The following LGSN variants were observed in gnomAD, a reference collection of about 807,000 sequenced individuals.
The protein encoded by LGSN is lengsin.
A neutral mutation model predicts 19.5 loss-of-function variants in LGSN; 21 were observed. The ratio of observed to expected loss-of-function variants is 1.07; its 90% CI spans 0.76 to 1.55. The LOEUF (loss-of-function observed/expected upper bound fraction) is 1.55, where lower values mean the gene tolerates loss of function less well. Ranked by LOEUF, LGSN falls within the 40% of genes most tolerant of loss-of-function variation. The pLI is 0.00. For missense variants in LGSN, 673 were observed against 608.5 expected, an observed-to-expected ratio of 1.11 and a Z score of -1.12; for synonymous variants, 257 against 215.6, an observed-to-expected ratio of 1.19 and a Z score of -1.68.
At chr6:63,420,474 C>A in the LGSN span, among the ~76,000 whole-genome samples, 2 of 152,200 alleles carry the variant, frequency 1.3e-5, no homozygotes, top group Admixed American at 6.5e-5. Flanking sequence ...TGGCTCCTGG[C>A]TTTAACTGGC....
chr6:63,424,508 GAC>G, the LGSN span, among the ~76,000 whole-genome samples: 69,079 of 146,442 alleles, frequency 0.47, 16,662 homozygotes, highest in Non-Finnish European at 0.54. Flanking sequence ...ACCAAAACCA[GAC>G]ACACACACAC....
At chr6:63,456,099 G>A in the LGSN span, among the ~76,000 whole-genome samples, 66 of 148,722 alleles carry the variant, frequency 4.4e-4, no homozygotes, top group African/African-American at 1.5e-3. Context: ...GTCTGATGGT[G>A]GGCACCTGTA....
At chr6:63,547,654 C>T in the LGSN span, among the ~76,000 whole-genome samples, 1 of 151,352 alleles carries the variant, frequency 6.6e-6, no homozygotes, top group African/African-American at 2.4e-5. Flanking sequence ...TACAGGTGCC[C>T]ACCACCACGC....
At chr6:63,388,998 A>G in the LGSN span, among the ~76,000 whole-genome samples, 1 of 152,226 alleles carries the variant, frequency 6.6e-6, no homozygotes, top group East Asian at 1.9e-4. Flanking sequence ...CCTAGTCTAC[A>G]AGGATGAAAT....
the LGSN span, among the ~76,000 whole-genome samples, chr6:63,536,735 C>T: frequency 6.6e-6 from 1 of 152,018 alleles, no homozygotes; most frequent in African/African-American, 2.4e-5. Flanking sequence ...AGTATCACTA[C>T]AAGAAAAAGC....
chr6:63,297,818 A>T (rs1768036158), intron 1 of LGSN, among the ~76,000 whole-genome samples: 1 of 152,158 alleles, frequency 6.6e-6, no homozygotes, highest in African/African-American at 2.4e-5. Context: ...TTTAAGTTTG[A>T]CTTAAAAATT....
rs1255773664 is a variant in LGSN, at chr6:63,295,056, T to C, written c.31-11A>G. The C allele has an allele frequency of 1.2e-6, 2 of 1,610,332 alleles. No homozygotes were observed. The highest frequency in any genetic ancestry group is 1.7e-6 in the Non-Finnish European group (2 of 1,177,390). ...ATCTCTTGTTGAGTCCTGTTGATAA[T>C]TAATAAACAAAAAGCCAAATAACAG... On this transcript the variant is annotated splice_polypyrimidine_tract_variant and intron_variant, in intron 1 of 3. Transcript: ENST00000370657.
the LGSN span, among the ~76,000 whole-genome samples, chr6:63,345,833 C>A: frequency 3.3e-5 from 5 of 152,256 alleles, no homozygotes; most frequent in South Asian, 6.2e-4. Context: ...ATGGGCCAAC[C>A]AACACTCTTT....
At chr6:63,540,408 G>C in the LGSN span, among the ~76,000 whole-genome samples, 1 of 152,036 alleles carries the variant, frequency 6.6e-6, no homozygotes, top group African/African-American at 2.4e-5. Flanking sequence ...ATTGCTTGAG[G>C]TCAGGAGTTT....
At chr6:63,572,439 G>A in the LGSN span, 5 of 372,896 alleles carry the variant, frequency 1.3e-5, no homozygotes, top group Non-Finnish European at 1.9e-5. Flanking sequence ...AGGGTTGCAC[G>A]TCGCGCCGGC....
chr6:63,325,658 C>G, the LGSN span, among the ~76,000 whole-genome samples: 1 of 152,166 alleles, frequency 6.6e-6, no homozygotes, highest in Admixed American at 6.5e-5. Context: ...CGCAGACCCT[C>G]ACGGTGAGTG....
chr6:63,558,790 A>G, the LGSN span, among the ~76,000 whole-genome samples: 1 of 152,206 alleles, frequency 6.6e-6, no homozygotes, highest in East Asian at 1.9e-4. Flanking sequence ...ACCAACACCT[A>G]TAGGGCAGGG....
chr6:63,347,149 A>G, the LGSN span, among the ~76,000 whole-genome samples: 35 of 152,300 alleles, frequency 2.3e-4, no homozygotes, highest in African/African-American at 7.7e-4. Flanking sequence ...GTGGGGAAAA[A>G]TAAATCCTAC....
chr6:63,317,708 T>TA (rs969423824), intron 1 of LGSN, among the ~76,000 whole-genome samples: 8 of 152,094 alleles, frequency 5.3e-5, no homozygotes, highest in African/African-American at 1.9e-4. Flanking sequence ...AGCAAGCCTC[T>TA]AGAAGGTCAG....
chr6:63,452,535 A>G, the LGSN span, among the ~76,000 whole-genome samples: 1 of 152,184 alleles, frequency 6.6e-6, no homozygotes, highest in Admixed American at 6.6e-5. Flanking sequence ...AGGAATTTGC[A>G]AAGCTCATCT....
chr6:63,332,151 T>G, the LGSN span, among the ~76,000 whole-genome samples: 1 of 152,182 alleles, frequency 6.6e-6, no homozygotes. Context: ...TAGTGCCCAC[T>G]ATGACAGGGC....
chr6:63,300,851 ATCTT>A (rs1415131300), intron 1 of LGSN, among the ~76,000 whole-genome samples: 1 of 152,162 alleles, frequency 6.6e-6, no homozygotes, highest in Non-Finnish European at 1.5e-5. Context: ...TTGAGGAAAC[ATCTT>A]TCTAAACAAT....
the LGSN span, among the ~76,000 whole-genome samples, chr6:63,421,495 C>T: frequency 5.3e-5 from 8 of 151,678 alleles, no homozygotes; most frequent in South Asian, 1.0e-3. Context: ...TTTGGGAGGC[C>T]GAGGCAGGCA....
At position 63,294,207 on chromosome 6, in the gene LGSN, G is replaced by A. The variant is rs181357691; in HGVS notation, c.163+706C>T. 2.7e-3 allele frequency among the ~76,000 whole-genome samples: 403 copies of A among 151,998 alleles called. 4 individuals are homozygous for A. The highest frequency in any genetic ancestry group is 9.1e-3 in the African/African-American group (379 of 41,470). Reference sequence around the variant, plus strand: ...AAAAATTAGCGTGGCATGGTGGCATGCCCTGTAAACCCAGCTACTCAGGAG... The same window carrying A: ...AAAAATTAGCGTGGCATGGTGGCATACCCTGTAAACCCAGCTACTCAGGAG... On this transcript the variant is annotated intron_variant, in intron 2 of 3. Coordinates refer to ENST00000370657, the MANE Select transcript of LGSN (RefSeq NM_016571.3).
Sources: allele counts gnomAD v4.1 joint callset (sites outside exome capture counted in the v4.1 genomes callset), GRCh38; gene constraint gnomAD v4.1.1; transcripts MANE v1.5; gene names NCBI Gene and HGNC (gene_info 2026-07-23, HGNC 2026-07-21).